UGGT1: variants seen among roughly 807,000 people sequenced by gnomAD.
UGGT1 encodes the protein UDP-glucose glycoprotein glucosyltransferase 1, also known as UDP-glucose:glycoprotein glucosyltransferase 1.
A neutral mutation model predicts 203.9 loss-of-function variants in UGGT1; 107 were observed. The ratio of observed to expected loss-of-function variants is 0.52; its 90% CI spans 0.45 to 0.62. The LOEUF (loss-of-function observed/expected upper bound fraction) is 0.62. Among genes scored for constraint, UGGT1 ranks in the 20% least tolerant of loss-of-function variants. The pLI, the probability that UGGT1 is intolerant of heterozygous loss-of-function variation, is 0.00. For missense variants in UGGT1, 1,673 were observed against 1,867.2 expected, an observed-to-expected ratio of 0.90 and a Z score of 1.92; for synonymous variants, 628 against 653.5, an observed-to-expected ratio of 0.96 and a Z score of 0.59.
intron 21 of UGGT1, among the ~76,000 whole-genome samples, chr2:128,156,635 G>A (rs1690247524): frequency 6.8e-6 from 1 of 147,542 alleles, no homozygotes; most frequent in South Asian, 2.1e-4. Flanking sequence ...TCGGCTCACT[G>A]CAAGCTCCGC....
chr2:128,187,407 C>T (rs1297743109), intron 39 of UGGT1, 42 bp from the exon 40 acceptor site: 84 of 1,587,410 alleles, frequency 5.3e-5, no homozygotes, highest in Non-Finnish European at 7.0e-5. Flanking sequence ...ATCATGTGGC[C>T]TTTCTTCAAC....
chr2:128,162,136 G>T (rs190524760), intron 25 of UGGT1, among the ~76,000 whole-genome samples: 1 of 151,992 alleles, frequency 6.6e-6, no homozygotes, highest in Admixed American at 6.5e-5. Flanking sequence ...GTGATGTTGA[G>T]CATCTTGTCA....
At chr2:128,129,555 C>T (rs1032746146) in intron 13 of UGGT1, among the ~76,000 whole-genome samples, 4 of 151,956 alleles carry the variant, frequency 2.6e-5, no homozygotes, top group East Asian at 1.9e-4. Context: ...CCTGCCACCA[C>T]GCCTGACTAA....
chr2:128,097,731 G>A (rs887375333), intron 2 of UGGT1, among the ~76,000 whole-genome samples, 167 bp downstream of exon 2: 12 of 152,200 alleles, frequency 7.9e-5, no homozygotes, highest in Non-Finnish European at 1.8e-4. Context: ...TTAGGACATA[G>A]CATCATTCAG....
chr2:128,159,056 T>A (rs545825920), intron 22 of UGGT1, among the ~76,000 whole-genome samples: 252 of 151,994 alleles, frequency 1.7e-3, no homozygotes, highest in Admixed American at 3.5e-3. Context: ...ATGGCATTTT[T>A]AATTTTATTT....
chr2:128,139,307 A>G (rs1438677574), intron 16 of UGGT1, among the ~76,000 whole-genome samples: 3 of 152,058 alleles, frequency 2.0e-5, no homozygotes, highest in Admixed American at 1.3e-4. Flanking sequence ...GCTGGTCTCA[A>G]ACTCCTAGGC....
At chr2:128,121,405 CTT>C (rs10636999) in intron 10 of UGGT1, 107 bp downstream of exon 10, 2,959 of 448,552 alleles carry the variant, frequency 6.6e-3, no homozygotes, top group South Asian at 0.011. Context: ...AATTAAGATT[CTT>C]TTTTTTTTTT....
At position 128,129,020 on chromosome 2, in the gene UGGT1, T is replaced by G. The variant is rs533787749; in HGVS notation, c.1227-9T>G. Reference sequence around the variant, plus strand: ...CCTAGTAAATATCTCTTTTTGTTTTTCCCCCCAGTCTGTTTGATGTGTTGA... The same window carrying G: ...CCTAGTAAATATCTCTTTTTGTTTTGCCCCCCAGTCTGTTTGATGTGTTGA... On this transcript the variant is annotated splice_polypyrimidine_tract_variant and intron_variant, in intron 12 of 40. Coordinates refer to ENST00000259253, the MANE Select transcript of UGGT1 (RefSeq NM_020120.4). 1.9e-6 allele frequency: 3 copies of G among 1,548,076 alleles called. No individual in the cohort carries two copies. The highest frequency in any genetic ancestry group is 1.7e-6 in the Non-Finnish European group (2 of 1,153,492).
chr2:128,091,649 C>T (rs948397612), intron 1 of UGGT1: 3 of 1,329,174 alleles, frequency 2.3e-6, no homozygotes, highest in Non-Finnish European at 3.0e-6. Flanking sequence ...CTTGAACCTT[C>T]TTTGAAGAGC....
At chr2:128,160,886 G>C (rs1368884010) in intron 24 of UGGT1, among the ~76,000 whole-genome samples, 2 of 152,174 alleles carry the variant, frequency 1.3e-5, no homozygotes, top group Non-Finnish European at 2.9e-5. Context: ...TATTCAGGTA[G>C]AATTAATGAA....
At chr2:128,140,157 G>T in intron 16 of UGGT1, 1 of 169,490 alleles carries the variant, frequency 5.9e-6, no homozygotes, top group South Asian at 1.7e-4. Context: ...CCATATGCAG[G>T]GTCAGCTTAG....
In UGGT1 at chr2:128,161,247, A is replaced by C. The variant is rs765129220; in HGVS notation, c.2804A>C (p.Gln935Pro). The change falls in exon 25 of 41, where the codon CAG becomes CCG. Residue 935 changes from glutamine (Q) to proline (P), a missense_variant. Coordinates refer to ENST00000259253, the MANE Select transcript of UGGT1 (RefSeq NM_020120.4). ...SGQKIKSHIQ[Q>P]LRVEEDVASD... ...CAGAAAATAAAATCTCATATTCAAC[A>C]GCTTCGGGTAGAAGAAGATGTGTAA... is the stretch of plus-strand genomic sequence containing the variant. 1.2e-6 allele frequency: 2 copies of C among 1,613,914 alleles called. No individual in the cohort carries two copies. The highest frequency in any genetic ancestry group is 1.7e-4 in the Middle Eastern group (1 of 6,046).
At position 128,171,331 on chromosome 2, in the gene UGGT1, C is replaced by T. The variant is rs200178468; in HGVS notation, c.3104+47C>T. 1.1e-5 allele frequency: 17 copies of T among 1,530,388 alleles called. No individual in the cohort carries two copies. The African/African-American group carries it at 1.9e-4, about 17-fold the overall frequency. 94.8% of individuals were successfully genotyped at this position (1,530,388 alleles called of 1,614,324 possible). On this transcript the variant is annotated intron_variant, in intron 28 of 40. Transcript: ENST00000259253. ...AACAGTTGAAGAAATTGTACTGAATCCAAGTTCTGATATTGCATGTTAGAG... is the reference window on the plus strand; with the variant it reads ...AACAGTTGAAGAAATTGTACTGAATTCAAGTTCTGATATTGCATGTTAGAG...
At chr2:128,171,635 G>A (rs1166273322) in intron 28 of UGGT1, among the ~76,000 whole-genome samples, 2 of 152,130 alleles carry the variant, frequency 1.3e-5, no homozygotes, top group Non-Finnish European at 2.9e-5. Context: ...AGCCTCCTTA[G>A]TAGCTGGGAT....
chr2:128,123,089 A>C, intron 10 of UGGT1, 97 bp from the exon 11 acceptor site: 1 of 911,546 alleles, frequency 1.1e-6, no homozygotes, highest in Non-Finnish European at 1.6e-6. Context: ...GTTTTTTCTA[A>C]TTTATTGAAT....
intron 8 of UGGT1, among the ~76,000 whole-genome samples, chr2:128,116,558 G>A (rs963697553): frequency 2.0e-5 from 3 of 151,798 alleles, no homozygotes; most frequent in African/African-American, 4.8e-5. Flanking sequence ...ACAGGGTCTC[G>A]CTGTGTCGCC....
chr2:128,131,211 C>T lies in UGGT1; in HGVS notation c.1378-1930C>T, dbSNP rs1006808911. Among the ~76,000 whole-genome samples the T allele has an allele frequency of 1.5e-4, 17 of 116,432 alleles. No homozygotes were observed. In the South Asian group the frequency reaches 3.9e-3, roughly 27 times the overall value. The allele number at this position is 116,432 out of a possible 152,430, so 76.4% of individuals were successfully genotyped here. On this transcript the variant is annotated intron_variant, in intron 13 of 40. Transcript: ENST00000259253. ...TCAAGCCACTGTACTCCAGCCTGGG[C>T]GACAGAGTGAGACTCTTGTCTCAAA... is the stretch of plus-strand genomic sequence containing the variant.
At chr2:128,139,987 A>C (rs1244129505) in intron 16 of UGGT1, 1 of 153,844 alleles carries the variant, frequency 6.5e-6, no homozygotes, top group Non-Finnish European at 1.5e-5. Flanking sequence ...AGGTGCAGCC[A>C]CTGGTACTCG....
At position 128,195,229 on chromosome 2, in the gene UGGT1, A is replaced by T. The variant is rs1169138815; in HGVS notation, c.*5487A>T. Reference sequence around the variant, plus strand: ...CAGCAGTGCAGAGGCTAGCTGTGGAAGGTTGCAGTGGGACAGGAATGTATT... The same window carrying T: ...CAGCAGTGCAGAGGCTAGCTGTGGATGGTTGCAGTGGGACAGGAATGTATT... On this transcript the variant is annotated 3_prime_UTR_variant, in exon 41 of 41. Transcript: ENST00000259253. The T allele has an allele frequency of 6.6e-6, 1 of 152,232 alleles. No homozygotes were observed. Among genetic ancestry groups the T allele is most frequent in the African/African-American group, 2.4e-5 (1 of 41,452 alleles). 9.4% of individuals were successfully genotyped at this position (152,232 alleles called of 1,614,324 possible).
Sources: allele counts gnomAD v4.1 joint callset (sites outside exome capture counted in the v4.1 genomes callset), GRCh38; gene constraint gnomAD v4.1.1; transcripts MANE v1.5; gene names NCBI Gene and HGNC (gene_info 2026-07-23, HGNC 2026-07-21).